Variants in RIMS1 observed in about 807,000 individuals in gnomAD.
RIMS1 encodes regulating synaptic membrane exocytosis protein 1.
A neutral mutation model predicts 214.1 loss-of-function variants in RIMS1; 83 were observed. The observed-to-expected ratio is 0.39, with a 90% CI of 0.32 to 0.47. RIMS1 has a LOEUF of 0.47. Ranked by LOEUF, RIMS1 falls within the 20% of genes least tolerant of loss-of-function variation. The pLI, the probability that RIMS1 is intolerant of heterozygous loss-of-function variation, is 0.99. For synonymous variants in RIMS1, 793 were observed against 786.8 expected (o/e 1.01, Z -0.13); for missense variants, 2,050 against 2,161.8 (o/e 0.95, Z 1.03).
chr6:71,922,220 A>G (rs1435811809), intron 1 of RIMS1, among the ~76,000 whole-genome samples: 3 of 152,220 alleles, frequency 2.0e-5, no homozygotes, highest in Non-Finnish European at 2.9e-5. Flanking sequence ...TGGCATTAAT[A>G]CACTCACAGT....
At chr6:71,982,058 A>G (rs943507725) in intron 2 of RIMS1, among the ~76,000 whole-genome samples, 2 of 152,120 alleles carry the variant, frequency 1.3e-5, no homozygotes, top group Admixed American at 6.6e-5. Flanking sequence ...CCAAGCCGCT[A>G]AACATTATGG....
At position 72,182,435 on chromosome 6, in the gene RIMS1, G is replaced by T; in HGVS notation, c.964G>T (p.Gly322Trp). ...ERRESRRLEK[G>W]RSQDYPDTPE... ...GCGGGAAAGCCGAAGGCTTGAGAAA[G>T]GGCGATCACAGGATTACCCAGACAC... Residue 322 changes from glycine (G) to tryptophan (W), a missense_variant, in exon 6 of 34, where the codon GGG becomes TGG. Physicochemically the swap from Gly to Trp is radical, Grantham distance 184. Around this residue, in one of 6 missense-constraint regions of RIMS1, gnomAD observed 882 missense variants for 828.9 expected, o/e 1.06. Coordinates refer to ENST00000521978, the MANE Select transcript of RIMS1 (RefSeq NM_014989.7). 1 of 1,613,944 alleles carries T rather than the reference G, an allele frequency of 6.2e-7. No individual in the cohort carries two copies. The highest frequency in any genetic ancestry group is 1.1e-5 in the South Asian group (1 of 91,082).
At chr6:72,304,889 A>G (rs1266022510) in intron 26 of RIMS1, among the ~76,000 whole-genome samples, 1 of 151,978 alleles carries the variant, frequency 6.6e-6, no homozygotes, top group Admixed American at 6.6e-5. Flanking sequence ...TAGCATAGCA[A>G]CTACATCTTT....
At chr6:71,974,264 T>C (rs971198129) in intron 2 of RIMS1, among the ~76,000 whole-genome samples, 1 of 151,964 alleles carries the variant, frequency 6.6e-6, no homozygotes, top group African/African-American at 2.4e-5. Context: ...TGTGTGTATG[T>C]GTGTATGTGG....
chr6:72,147,210 A>G (rs2042874714), intron 4 of RIMS1, among the ~76,000 whole-genome samples: 2 of 152,210 alleles, frequency 1.3e-5, no homozygotes, highest in African/African-American at 4.8e-5. Flanking sequence ...TCCTTCAAAA[A>G]TATTTGATCT....
At chr6:72,066,114 C>G (rs1022855656) in intron 2 of RIMS1, among the ~76,000 whole-genome samples, 6 of 152,080 alleles carry the variant, frequency 3.9e-5, no homozygotes, top group African/African-American at 1.4e-4. Context: ...TGTGGACAAC[C>G]TCCTTTCTTG....
chr6:72,215,422 A>G (rs2055454507), intron 6 of RIMS1, among the ~76,000 whole-genome samples: 1 of 152,252 alleles, frequency 6.6e-6, no homozygotes, highest in Admixed American at 6.5e-5. Context: ...ACTATGGTGT[A>G]GTGAAAAGCT....
intron 6 of RIMS1, among the ~76,000 whole-genome samples, chr6:72,199,599 G>A (rs1225506714): frequency 6.6e-6 from 1 of 152,070 alleles, no homozygotes; most frequent in African/African-American, 2.4e-5. Flanking sequence ...AGAGGGCAGA[G>A]GTGGAGGGAT....
intron 29 of RIMS1, among the ~76,000 whole-genome samples, chr6:72,384,772 A>C (rs147047764): frequency 6.6e-6 from 1 of 152,310 alleles, no homozygotes; most frequent in East Asian, 1.9e-4. Context: ...TCATGGTCCT[A>C]ACTTAAAAAT....
At chr6:72,189,088 TC>T (rs2049614933) in intron 6 of RIMS1, among the ~76,000 whole-genome samples, 1 of 152,218 alleles carries the variant, frequency 6.6e-6, no homozygotes, top group Non-Finnish European at 1.5e-5. Context: ...CTAGTGGGTC[TC>T]TAGGGATGAT....
At chr6:72,087,427 A>C (rs1209400937) in intron 2 of RIMS1, among the ~76,000 whole-genome samples, 1 of 152,222 alleles carries the variant, frequency 6.6e-6, no homozygotes, top group Non-Finnish European at 1.5e-5. Flanking sequence ...GCCTATCAAA[A>C]CTCTGGCAGA....
intron 29 of RIMS1, among the ~76,000 whole-genome samples, chr6:72,370,499 G>A (rs1221239900): frequency 6.6e-6 from 1 of 152,098 alleles, no homozygotes; most frequent in Non-Finnish European, 1.5e-5. Flanking sequence ...CTTACCCCAG[G>A]AGAGATGCTA....
rs374665801 is a variant in RIMS1, at chr6:72,159,657, C to T, written c.472-19918C>T. 5.2e-4 allele frequency among the ~76,000 whole-genome samples: 73 copies of T among 140,590 alleles called. 9 individuals are homozygous for T. In the East Asian group the frequency reaches 0.012, roughly 23 times the overall value. The allele number at this position is 140,590 out of a possible 152,430, so 92.2% of individuals were successfully genotyped here. ...TTTATTAAATAGGGAATCCTTTCCC[C>T]ATTGCTTGTTTTTCTCAGGTTTGTC... On this transcript the variant is annotated intron_variant, in intron 4 of 33. Coordinates refer to ENST00000521978, the MANE Select transcript of RIMS1 (RefSeq NM_014989.7).
chr6:72,236,263 A>C (rs951163715), intron 8 of RIMS1, among the ~76,000 whole-genome samples: 1 of 152,188 alleles, frequency 6.6e-6, no homozygotes, highest in African/African-American at 2.4e-5. Flanking sequence ...AAAATATTCT[A>C]TAATAAAACT....
At chr6:72,325,530 T>A (rs900736629) in intron 28 of RIMS1, among the ~76,000 whole-genome samples, 1 of 151,434 alleles carries the variant, frequency 6.6e-6, no homozygotes, top group Admixed American at 6.6e-5. Flanking sequence ...TGAAAAGGAA[T>A]TTTATTTTTA....
chr6:72,288,842 GGGC>G (rs1169470785), intron 24 of RIMS1, among the ~76,000 whole-genome samples: 1 of 151,948 alleles, frequency 6.6e-6, no homozygotes, highest in Non-Finnish European at 1.5e-5. Context: ...GAGTGGCTGG[GGGC>G]AGGAACTCTT....
intron 4 of RIMS1, among the ~76,000 whole-genome samples, chr6:72,134,203 C>G (rs924875196): frequency 6.6e-6 from 1 of 151,982 alleles, no homozygotes; most frequent in Non-Finnish European, 1.5e-5. Context: ...ATAATTTATT[C>G]ATCAGGTTCC....
intron 2 of RIMS1, among the ~76,000 whole-genome samples, chr6:72,080,134 G>C (rs1586498941): frequency 7.3e-6 from 1 of 136,694 alleles, no homozygotes; most frequent in Non-Finnish European, 1.5e-5. Context: ...CATGGTGGCA[G>C]ATGCCTGTAA....
intron 22 of RIMS1, among the ~76,000 whole-genome samples, chr6:72,270,840 T>A (rs1288043253): frequency 1.3e-5 from 2 of 152,190 alleles, no homozygotes; most frequent in Admixed American, 1.3e-4. Context: ...TCTTTCTTCC[T>A]TGGGGTGCAA....
Sources: gnomAD v4.1 joint callset for allele counts (sites outside exome capture counted in the v4.1 genomes callset) on GRCh38, gnomAD v4.1.1 for gene constraint, gnomAD v4.1.1 regional missense constraint, MANE v1.5 for transcripts, NCBI Gene and HGNC (gene_info 2026-07-23, HGNC 2026-07-21) for gene names.